The following LRRC7 variants were observed in gnomAD, a reference collection of about 807,000 sequenced individuals.
LRRC7 encodes the protein leucine rich repeat containing 7, also known as leucine-rich repeat-containing protein 7.
A neutral mutation model predicts 175.7 loss-of-function variants in LRRC7; 23 were observed. That is an observed-to-expected ratio of 0.13 (90% CI 0.09 to 0.19). The LOEUF is 0.19. Among genes scored for constraint, LRRC7 ranks in the 10% least tolerant of loss-of-function variants. The probability of loss-of-function intolerance (pLI) is 1.00; values close to 1 mark genes in which losing one functional copy is unlikely to be tolerated. For synonymous variants in LRRC7, 685 were observed against 680.9 expected (o/e 1.01, Z -0.09); for missense variants, 1,354 against 1,904.7 (o/e 0.71, Z 5.38).
chr1:69,942,248 G>A (rs1648796619), intron 8 of LRRC7, among the ~76,000 whole-genome samples: 1 of 151,984 alleles, frequency 6.6e-6, no homozygotes, highest in Non-Finnish European at 1.5e-5. Context: ...CCGTATGAAG[G>A]GTATCCCCAT....
intron 2 of LRRC7, among the ~76,000 whole-genome samples, chr1:69,725,585 TATAG>T (rs1666863476): frequency 6.6e-6 from 1 of 152,206 alleles, no homozygotes; most frequent in African/African-American, 2.4e-5. Flanking sequence ...TCAGATTCTG[TATAG>T]GTACGAAATG....
chr1:69,694,787 C>T (rs990848066), intron 2 of LRRC7, among the ~76,000 whole-genome samples: 1 of 151,392 alleles, frequency 6.6e-6, no homozygotes, highest in Admixed American at 6.6e-5. Context: ...TATGCCAGTT[C>T]ACCCTTTGAC....
At chr1:70,071,671 T>C (rs1298774335) in intron 23 of LRRC7, among the ~76,000 whole-genome samples, 1 of 150,544 alleles carries the variant, frequency 6.6e-6, no homozygotes, top group African/African-American at 2.5e-5. Context: ...TTAAGAACTC[T>C]TTTGGATTTA....
intron 2 of LRRC7, among the ~76,000 whole-genome samples, chr1:69,710,869 T>C (rs1664674526): frequency 6.6e-6 from 1 of 152,212 alleles, no homozygotes; most frequent in South Asian, 2.1e-4. Flanking sequence ...GCTGACTAGA[T>C]AACCAGAACT....
intron 2 of LRRC7, among the ~76,000 whole-genome samples, chr1:69,742,280 C>A (rs763638188): frequency 1.6e-4 from 24 of 151,832 alleles, no homozygotes; most frequent in Non-Finnish European, 2.5e-4. Context: ...TATTGGTTTG[C>A]ATCAGAATTA....
chr1:69,912,290 G>A (rs745952728), intron 7 of LRRC7, among the ~76,000 whole-genome samples: 2 of 152,172 alleles, frequency 1.3e-5, no homozygotes, highest in South Asian at 2.1e-4. Context: ...GCATATGTAT[G>A]TGTTAAAGGG....
At chr1:69,817,483 A>T (rs956498610) in intron 4 of LRRC7, among the ~76,000 whole-genome samples, 4 of 151,902 alleles carry the variant, frequency 2.6e-5, no homozygotes, top group Non-Finnish European at 4.4e-5. Flanking sequence ...TATTCCAATG[A>T]TCTCTAAGTC....
intron 26 of LRRC7, among the ~76,000 whole-genome samples, chr1:70,116,017 G>A (rs1421237871): frequency 6.6e-6 from 1 of 152,132 alleles, no homozygotes. Flanking sequence ...AATCAAGGTA[G>A]GAAATTTATT....
chr1:70,099,273 C>G (rs1366931675), intron 25 of LRRC7, among the ~76,000 whole-genome samples: 1 of 133,082 alleles, frequency 7.5e-6, no homozygotes, highest in Non-Finnish European at 1.6e-5. Flanking sequence ...ATTCAACAAC[C>G]CTTCATGCTA....
chr1:69,608,173 G>A (rs541429158), intron 1 of LRRC7: 5 of 152,280 alleles, frequency 3.3e-5, no homozygotes, highest in East Asian at 1.9e-4. Context: ...TACAAGTGTC[G>A]GTGATTATTT....
chr1:69,590,630 T>C (rs1646593234), intron 1 of LRRC7, among the ~76,000 whole-genome samples: 1 of 152,116 alleles, frequency 6.6e-6, no homozygotes, highest in South Asian at 2.1e-4. Context: ...CACATAAAAA[T>C]AGCTTTTCAT....
Position 70,139,463 on chromosome 1 carries a change from C to T in LRRC7, c.*17576C>T, listed in dbSNP as rs1571411034. On this transcript the variant is annotated 3_prime_UTR_variant, in exon 27 of 27. Coordinates refer to ENST00000651989, the MANE Select transcript of LRRC7 (RefSeq NM_001370785.2). ...TTCAGACCATTTGGATTCAGATGTA[C>T]CCTAAAGACAACTATGCTATAATGG... 3.9e-5 allele frequency: 6 copies of T among 152,254 alleles called. No homozygotes were observed. The East Asian group carries it at 1.2e-3, about 29-fold the overall frequency. The allele number at this position is 152,254 out of a possible 1,614,324, so 9.4% of individuals were successfully genotyped here.
At chr1:69,678,597 T>C (rs966317642) in intron 2 of LRRC7, 119 bp downstream of exon 2, 1 of 697,492 alleles carries the variant, frequency 1.4e-6, no homozygotes, top group Non-Finnish European at 2.5e-6. Flanking sequence ...TTGAGTCGAG[T>C]TGGTCTTTTA....
At chr1:69,928,125 C>T (rs550671738) in intron 7 of LRRC7, among the ~76,000 whole-genome samples, 4 of 152,254 alleles carry the variant, frequency 2.6e-5, no homozygotes, top group East Asian at 3.9e-4. Context: ...AGCGGATTTT[C>T]GTGAACCGTG....
chr1:69,796,181 A>G (rs2101075928), intron 4 of LRRC7, among the ~76,000 whole-genome samples: 1 of 126,646 alleles, frequency 7.9e-6, no homozygotes, highest in African/African-American at 3.1e-5. Flanking sequence ...ATGTGTTCTC[A>G]TTGTTCAATT....
At chr1:69,875,341 G>A (rs1450583186) in intron 7 of LRRC7, among the ~76,000 whole-genome samples, 1 of 151,904 alleles carries the variant, frequency 6.6e-6, no homozygotes, top group South Asian at 2.1e-4. Context: ...TTCTGGTCTC[G>A]ATAATATATA....
intron 7 of LRRC7, among the ~76,000 whole-genome samples, chr1:69,851,755 G>T (rs530863455): frequency 1.3e-5 from 2 of 152,276 alleles, no homozygotes; most frequent in South Asian, 4.1e-4. Flanking sequence ...TTCTGGCGGT[G>T]TTGACCACCT....
intron 3 of LRRC7, among the ~76,000 whole-genome samples, chr1:69,772,216 C>T (rs112909712): frequency 6.6e-6 from 1 of 152,110 alleles, no homozygotes; most frequent in Non-Finnish European, 1.5e-5. Context: ...GCAGTAAATG[C>T]CTAAAAAATG....
chr1:69,943,989 ACAT>A (rs1557916227), intron 8 of LRRC7, among the ~76,000 whole-genome samples: 2 of 138,170 alleles, frequency 1.4e-5, no homozygotes, highest in African/African-American at 5.2e-5. Flanking sequence ...CACACACACA[ACAT>A]GAGATTTACC....
Sources: gnomAD v4.1 joint callset for allele counts (sites outside exome capture counted in the v4.1 genomes callset) on GRCh38, gnomAD v4.1.1 for gene constraint, MANE v1.5 for transcripts, NCBI Gene and HGNC (gene_info 2026-07-23, HGNC 2026-07-21) for gene names.